Variants in KCNK12 observed in about 807,000 individuals in gnomAD.
KCNK12 encodes potassium channel subfamily K member 12.
In KCNK12, 6 loss-of-function variants were observed where a neutral mutation model predicts 25.3. The observed-to-expected ratio is 0.24, with a 90% CI of 0.13 to 0.47. The LOEUF is 0.47. Ranked by LOEUF, KCNK12 falls within the 20% of genes least tolerant of loss-of-function variation. The pLI is 0.99. For synonymous variants in KCNK12, 331 were observed against 311.1 expected (o/e 1.06, Z -0.67); for missense variants, 444 against 661.7 (o/e 0.67, Z 3.61).
Position 47,555,371 on chromosome 2 carries a change from G to T in KCNK12, c.391+14570C>A, listed in dbSNP as rs1325329464. On this transcript the variant is annotated intron_variant, in intron 1 of 1. Coordinates refer to ENST00000327876, the MANE Select transcript of KCNK12 (RefSeq NM_022055.2). This position sits in a 1 kb window ranked among gnomAD's most constrained non-coding sequence, Gnocchi z 4.5. ...AGGACATAAATTTCCCTTTGCCAAGGTGTCCTCCTTACCCTCTCTGTACTC... is the reference window on the plus strand; with the variant it reads ...AGGACATAAATTTCCCTTTGCCAAGTTGTCCTCCTTACCCTCTCTGTACTC... 6.6e-6 allele frequency among the ~76,000 whole-genome samples: 1 copy of T among 152,184 alleles called. No homozygotes were observed. Among genetic ancestry groups the T allele is most frequent in the East Asian group, 1.9e-4 (1 of 5,198 alleles).
intron 1 of KCNK12, among the ~76,000 whole-genome samples, chr2:47,545,609 T>C (rs1463713055): frequency 1.3e-5 from 2 of 152,232 alleles, no homozygotes; most frequent in Non-Finnish European, 2.9e-5. Flanking sequence ...GGCTAGAATC[T>C]CAGCTCTGTC....
In KCNK12 at chr2:47,569,808, G is replaced by T; in HGVS notation, c.391+133C>A. On this transcript the variant is annotated intron_variant, in intron 1 of 1. Transcript: ENST00000327876. This position sits in a 1 kb window ranked among gnomAD's most constrained non-coding sequence, Gnocchi z 4.1. Reference sequence around the variant, plus strand: ...AACGGGGGCCGGCGGAGAAGAGGGCGAGACGAAAGTAAGCAAAGGGACATT... The same window carrying T: ...AACGGGGGCCGGCGGAGAAGAGGGCTAGACGAAAGTAAGCAAAGGGACATT... 1 of 703,992 alleles carries T rather than the reference G, an allele frequency of 1.4e-6. No individual in the cohort carries two copies. Among genetic ancestry groups the T allele is most frequent in the Non-Finnish European group, 2.0e-6 (1 of 494,630 alleles). The allele number at this position is 703,992 out of a possible 1,614,324, so 43.6% of individuals were successfully genotyped here.
At chr2:47,537,135 G>GC (rs1669090053) in intron 1 of KCNK12, among the ~76,000 whole-genome samples, 1 of 152,192 alleles carries the variant, frequency 6.6e-6, no homozygotes, top group Non-Finnish European at 1.5e-5. Context: ...CTCAGGGGCT[G>GC]CCTTCATCTT....
intron 1 of KCNK12, among the ~76,000 whole-genome samples, chr2:47,552,014 T>C (rs12464816): frequency 0.71 from 107,962 of 152,028 alleles, 39,516 homozygotes; most frequent in East Asian, 0.92. Context: ...CGACCGGTGG[T>C]GGGGAGGTGG....
chr2:47,528,369 G>A lies in KCNK12; in HGVS notation c.392-6561C>T, dbSNP rs991062130. The A allele has an allele frequency of 1.3e-5, 2 of 152,408 alleles. No individual in the cohort carries two copies. The highest frequency in any genetic ancestry group is 2.4e-5 in the African/African-American group (1 of 41,458). The allele number at this position is 152,408 out of a possible 1,614,324, so 9.4% of individuals were successfully genotyped here. A position where few individuals can be genotyped will look rare whatever the true frequency, so the allele number is the denominator to read the frequency against. Reference sequence around the variant, plus strand: ...TGGTCCATCCTTCTTCCGCATCAAGGTCAGTAGGTTCAGAGCTCTGGGGGG... The same window carrying A: ...TGGTCCATCCTTCTTCCGCATCAAGATCAGTAGGTTCAGAGCTCTGGGGGG... On this transcript the variant is annotated intron_variant, in intron 1 of 1. Transcript: ENST00000327876. The surrounding 1 kb of genome is among the most constrained non-coding windows in gnomAD (Gnocchi z 4.5).
chr2:47,522,758 C>G (rs533366302), intron 1 of KCNK12, among the ~76,000 whole-genome samples: 1 of 152,310 alleles, frequency 6.6e-6, no homozygotes, highest in South Asian at 2.1e-4. Context: ...TTCCCTAGTT[C>G]TTACAGTGTG....
At chr2:47,526,272 G>A (rs537072608) in intron 1 of KCNK12, among the ~76,000 whole-genome samples, 19 of 151,564 alleles carry the variant, frequency 1.3e-4, no homozygotes, top group East Asian at 3.9e-4. Context: ...CAGGTGTGGC[G>A]GCGGGTGCCT....
intron 1 of KCNK12, chr2:47,543,916 G>A (rs1448200954): frequency 6.6e-6 from 1 of 152,252 alleles, no homozygotes; most frequent in Non-Finnish European, 1.5e-5. Context: ...CTGATGGGAG[G>A]AGGATTGAGG....
chr2:47,511,366 T>C lies in KCNK12; in HGVS notation c.*9541A>G. ...TCTTAATTACAGCCATTTGTGGAAT[T>C]AGGCTTTTAATATAAATATTTGTGT... On this transcript the variant is annotated 3_prime_UTR_variant, in exon 2 of 2. Coordinates refer to ENST00000327876, the MANE Select transcript of KCNK12 (RefSeq NM_022055.2). The surrounding 1 kb of genome is among the most constrained non-coding windows in gnomAD (Gnocchi z 4.3). Among the ~76,000 whole-genome samples, 1 of 152,232 alleles carries C rather than the reference T, an allele frequency of 6.6e-6. No individual in the cohort carries two copies. Among genetic ancestry groups the C allele is most frequent in the Non-Finnish European group, 1.5e-5 (1 of 68,042 alleles).
rs1226525260 is a variant in KCNK12 at position 47,529,699 on chromosome 2, A to C, written c.392-7891T>G. On this transcript the variant is annotated intron_variant, in intron 1 of 1. Transcript: ENST00000327876. This position sits in a 1 kb window ranked among gnomAD's most constrained non-coding sequence, Gnocchi z 4.3. ...AAGTCAATCAGTGCAGAGCATTTTC[A>C]TGACTACAGAGAAACCATGGGAAGG... Among the ~76,000 whole-genome samples the C allele has an allele frequency of 6.6e-6, 1 of 152,194 alleles. No homozygotes were observed. Among genetic ancestry groups the C allele is most frequent in the African/African-American group, 2.4e-5 (1 of 41,450 alleles).
rs2104803788 is a variant in KCNK12, at chr2:47,538,203, C to T, written c.392-16395G>A. 6.6e-6 allele frequency among the ~76,000 whole-genome samples: 1 copy of T among 152,318 alleles called. No individual in the cohort carries two copies. Among genetic ancestry groups the T allele is most frequent in the South Asian group, 2.1e-4 (1 of 4,812 alleles). ...AAGTCCCCTACCCTCAAGAAGCTTACATTTCAGTATGGGAGATGGAATAAT... is the reference window on the plus strand; with the variant it reads ...AAGTCCCCTACCCTCAAGAAGCTTATATTTCAGTATGGGAGATGGAATAAT... On this transcript the variant is annotated intron_variant, in intron 1 of 1. Coordinates refer to ENST00000327876, the MANE Select transcript of KCNK12 (RefSeq NM_022055.2). The surrounding 1 kb of genome is among the most constrained non-coding windows in gnomAD (Gnocchi z 4.5).
At chr2:47,535,255 G>C (rs1018146335) in intron 1 of KCNK12, 1 of 233,086 alleles carries the variant, frequency 4.3e-6, no homozygotes, top group Admixed American at 5.6e-5. Flanking sequence ...AGAGGCCCAC[G>C]GAGAGCTGTG....
intron 1 of KCNK12, among the ~76,000 whole-genome samples, chr2:47,549,516 G>T (rs1558560490): frequency 6.6e-6 from 1 of 152,108 alleles, no homozygotes; most frequent in Non-Finnish European, 1.5e-5. Flanking sequence ...CAGAGATTAT[G>T]GAATTAGCAA....
chr2:47,535,245 A>G, intron 1 of KCNK12: 4 of 233,148 alleles, frequency 1.7e-5, no homozygotes, highest in Non-Finnish European at 3.4e-5. Flanking sequence ...GAGGTGCTCT[A>G]GAGGCCCACG....
Position 47,562,320 on chromosome 2 carries a change from C to A in KCNK12, c.391+7621G>T, listed in dbSNP as rs1411870722. 2.6e-6 allele frequency: 1 copy of A among 388,892 alleles called. No homozygotes were observed. Among genetic ancestry groups the A allele is most frequent in the African/African-American group, 2.1e-5 (1 of 48,464 alleles). The allele number at this position is 388,892 out of a possible 1,614,324, so 24.1% of individuals were successfully genotyped here. ...GTGAACATTGTAAAATCTGCAATTA[C>A]AAGATTCTGGATGCTTCATCCTGAG... On this transcript the variant is annotated intron_variant, in intron 1 of 1. Transcript: ENST00000327876. The surrounding 1 kb of genome is among the most constrained non-coding windows in gnomAD (Gnocchi z 4.8).
intron 1 of KCNK12, among the ~76,000 whole-genome samples, chr2:47,568,481 A>T (rs1033216133): frequency 5.9e-5 from 9 of 152,226 alleles, no homozygotes; most frequent in Admixed American, 5.2e-4. Flanking sequence ...TGCCTTTTCT[A>T]TTTAAAATAA....
At chr2:47,536,012 T>C (rs1236407400) in intron 1 of KCNK12, among the ~76,000 whole-genome samples, 1 of 152,158 alleles carries the variant, frequency 6.6e-6, no homozygotes, top group African/African-American at 2.4e-5. Context: ...CTCCTTGCCT[T>C]GCCTATTGTC....
At position 47,513,400 on chromosome 2, in the gene KCNK12, G is replaced by A. The variant is rs1668450250; in HGVS notation, c.*7507C>T. Among the ~76,000 whole-genome samples the A allele has an allele frequency of 6.6e-6, 1 of 152,078 alleles. No individual in the cohort carries two copies. The highest frequency in any genetic ancestry group is 1.5e-5 in the Non-Finnish European group (1 of 68,016). On this transcript the variant is annotated 3_prime_UTR_variant, in exon 2 of 2. Coordinates refer to ENST00000327876, the MANE Select transcript of KCNK12 (RefSeq NM_022055.2). ...AACCCTTGTTTCCCTTGGCTTTGTGGCATCCTGTGCTCTTGGTTTTCTCCC... is the reference window on the plus strand; with the variant it reads ...AACCCTTGTTTCCCTTGGCTTTGTGACATCCTGTGCTCTTGGTTTTCTCCC...
rs1669370590 is a variant in KCNK12 at position 47,549,038 on chromosome 2, G to A, written c.391+20903C>T. Among the ~76,000 whole-genome samples the A allele has an allele frequency of 6.6e-5, 10 of 152,062 alleles. No individual in the cohort carries two copies. The South Asian group carries it at 2.1e-3, about 32-fold the overall frequency. On this transcript the variant is annotated intron_variant, in intron 1 of 1. Transcript: ENST00000327876. ...TGAATAACAATCTGTGCAGGTACAG[G>A]GTAAAACCTAGAAAAAAATAAGACC...
Sources: gnomAD v4.1 joint callset for allele counts (sites outside exome capture counted in the v4.1 genomes callset) on GRCh38, gnomAD v4.1.1 for gene constraint, Gnocchi (gnomAD v3.1) non-coding constraint, MANE v1.5 for transcripts, NCBI Gene and HGNC (gene_info 2026-07-23, HGNC 2026-07-21) for gene names.